DCDC1: variants seen among roughly 807,000 people sequenced by gnomAD.
DCDC1 encodes doublecortin domain containing 1.
In DCDC1, 200 loss-of-function variants were observed where a neutral mutation model predicts 178.3. The ratio of observed to expected loss-of-function variants is 1.12; its 90% CI spans 1.00 to 1.26. DCDC1 has a LOEUF of 1.26. Ranked by LOEUF, DCDC1 falls within the 50% of genes most tolerant of loss-of-function variation. The pLI is 0.00. For synonymous variants in DCDC1, 690 were observed against 604.8 expected (o/e 1.14, Z -2.07); for missense variants, 1,983 against 1,749.2 (o/e 1.13, Z -2.38).
chr11:31,312,165 C>T (rs1042777476), intron 3 of DCDC1, among the ~76,000 whole-genome samples: 1 of 152,148 alleles, frequency 6.6e-6, no homozygotes, highest in Non-Finnish European at 1.5e-5. Context: ...TATAGGGACT[C>T]TCATCCAGGC....
intron 9 of DCDC1, among the ~76,000 whole-genome samples, chr11:31,213,706 C>G (rs1973150218): frequency 6.7e-6 from 1 of 149,194 alleles, no homozygotes; most frequent in Non-Finnish European, 1.5e-5. Flanking sequence ...GGTGACAGAG[C>G]ATGACTCTGT....
chr11:30,922,700 T>C, intron 23 of DCDC1, 62 bp from the exon 24 acceptor site: 1 of 1,405,806 alleles, frequency 7.1e-7, no homozygotes, highest in South Asian at 1.6e-5. Context: ...TCTGTAATAA[T>C]CTAAACTGGA....
At position 30,903,574 on chromosome 11, in the gene DCDC1, A is replaced by G; in HGVS notation, c.4418T>C (p.Leu1473Pro). 1 of 1,609,636 alleles carries G rather than the reference A, an allele frequency of 6.2e-7. No individual in the cohort carries two copies. Among genetic ancestry groups the G allele is most frequent in the Non-Finnish European group, 8.5e-7 (1 of 1,177,818 alleles). ...GTCTCTCTGGAGAAAGGATTCATCT[A>G]GAGCCCATAAAACCAAATCACGCAA... ...FTLRDLVLWA[L>P]DESFLQRDSE... The change falls in exon 32 of 39, where the codon CTA (leucine) becomes CCA (proline). Residue 1473 changes from leucine to proline, a missense_variant. Physicochemically the swap from Leu to Pro is moderately conservative, Grantham distance 98. Coordinates refer to ENST00000684477, the MANE Select transcript of DCDC1 (RefSeq NM_001387274.1).
intron 9 of DCDC1, among the ~76,000 whole-genome samples, chr11:31,201,032 C>T (rs438578): frequency 0.3 from 45,621 of 151,598 alleles, 8,312 homozygotes; most frequent in East Asian, 0.63. Flanking sequence ...ACTTTCCACA[C>T]TTCACAGTAT....
In DCDC1 at chr11:31,137,767, A is replaced by T; in HGVS notation, c.1239T>A (p.Asn413Lys). The change falls in exon 10 of 39, where the codon AAT (asparagine) becomes AAA (lysine). Residue 413 changes from asparagine to lysine, a missense_variant. By Grantham distance (94) the Asn-to-Lys change is moderately conservative. Transcript: ENST00000684477. Reference sequence around the variant, plus strand: ...TTTCTGTAATTTTCTCCTTCTGTTCATTCATGACCAGGTTCAACTAGAAAA... The same window carrying T: ...TTTCTGTAATTTTCTCCTTCTGTTCTTTCATGACCAGGTTCAACTAGAAAA... ...KYYKQLNLVM[N>K]EQKEKITEKV... 1.4e-6 allele frequency: 1 copy of T among 702,638 alleles called. No individual in the cohort carries two copies. Among genetic ancestry groups the T allele is most frequent in the Admixed American group, 2.0e-5 (1 of 49,936 alleles). The allele number at this position is 702,638 out of a possible 1,614,324, so 43.5% of individuals were successfully genotyped here. A position where few individuals can be genotyped will look rare whatever the true frequency, so the allele number is the denominator to read the frequency against.
intron 21 of DCDC1, among the ~76,000 whole-genome samples, chr11:30,938,786 G>A (rs540723130): frequency 6.6e-6 from 1 of 152,104 alleles, no homozygotes; most frequent in African/African-American, 2.4e-5. Context: ...ATAGTTTGGG[G>A]GTTATTTCCC....
intron 1 of DCDC1, among the ~76,000 whole-genome samples, chr11:31,352,465 G>A (rs868261683): frequency 2.6e-5 from 4 of 152,156 alleles, no homozygotes; most frequent in Non-Finnish European, 5.9e-5. Context: ...TGAGCTCACA[G>A]TTTGATACTT....
chr11:31,328,945 CTTTTTTTTTTT>C (rs1176942329), intron 2 of DCDC1, among the ~76,000 whole-genome samples: 172 of 47,784 alleles, frequency 3.6e-3, no homozygotes, highest in African/African-American at 0.012. Context: ...CACCACAAGG[CTTTTTTTTTTT>C]TTTTTTTTTT....
At chr11:31,276,570 C>A (rs1455348322) in intron 7 of DCDC1, among the ~76,000 whole-genome samples, 1 of 151,936 alleles carries the variant, frequency 6.6e-6, no homozygotes, top group Non-Finnish European at 1.5e-5. Flanking sequence ...TCTGCTCAGG[C>A]CAGCATTTTA....
chr11:31,345,382 C>T lies in DCDC1; in HGVS notation c.-124-9818G>A, dbSNP rs551339123. Among the ~76,000 whole-genome samples the T allele has an allele frequency of 3.9e-5, 6 of 152,234 alleles. No individual in the cohort carries two copies. In the East Asian group the frequency reaches 9.6e-4, roughly 24 times the overall value. On this transcript the variant is annotated intron_variant, in intron 1 of 38. Coordinates refer to ENST00000684477, the MANE Select transcript of DCDC1 (RefSeq NM_001387274.1). ...GCTAGAAACGTTATGTATATGTGTACGTGTGACACCTTGTCATGCTTAAAA... is the reference window on the plus strand; with the variant it reads ...GCTAGAAACGTTATGTATATGTGTATGTGTGACACCTTGTCATGCTTAAAA...
At chr11:30,911,261 A>T (rs1419410177) in intron 28 of DCDC1, 66 bp downstream of exon 28, 2 of 1,338,330 alleles carry the variant, frequency 1.5e-6, no homozygotes, top group Non-Finnish European at 2.1e-6. Flanking sequence ...CACTACAAGG[A>T]AGCACAAAGC....
chr11:30,920,564 A>G (rs111515109), intron 25 of DCDC1, among the ~76,000 whole-genome samples: 3,678 of 152,270 alleles, frequency 0.024, 132 homozygotes, highest in African/African-American at 0.083. Context: ...CATTGTAACA[A>G]TATTACTGAA....
At position 30,920,758 on chromosome 11, in the gene DCDC1, G is replaced by A. The variant is rs1308351336; in HGVS notation, c.3293+18C>T. The A allele has an allele frequency of 6.2e-7, 1 of 1,612,166 alleles. No individual in the cohort carries two copies. On this transcript the variant is annotated intron_variant, in intron 25 of 38. Transcript: ENST00000684477. Reference sequence around the variant, plus strand: ...AAAAAGCAGCCAGGTAGCTTTTCAGGCTACACTGATTACTTACAGAATTTC... The same window carrying A: ...AAAAAGCAGCCAGGTAGCTTTTCAGACTACACTGATTACTTACAGAATTTC...
intron 37 of DCDC1, 54 bp downstream of exon 37, chr11:30,881,104 A>T (rs763241927): frequency 6.8e-5 from 109 of 1,593,728 alleles, no homozygotes; most frequent in Middle Eastern, 1.7e-4. Context: ...CCAAGAGAAG[A>T]TTGAATGCTT....
chr11:31,182,804 G>A (rs933543075), intron 9 of DCDC1, among the ~76,000 whole-genome samples: 2 of 152,050 alleles, frequency 1.3e-5, no homozygotes, highest in Non-Finnish European at 2.9e-5. Flanking sequence ...ACCCAGACTG[G>A]CAAGCTGAAT....
At chr11:30,906,423 T>C in intron 30 of DCDC1, 117 bp downstream of exon 30, 1 of 1,040,260 alleles carries the variant, frequency 9.6e-7, no homozygotes, top group South Asian at 1.8e-5. Context: ...AAGGTGCATC[T>C]GAGGAAGATG....
At chr11:31,134,400 A>C (rs1013477243) in intron 10 of DCDC1, among the ~76,000 whole-genome samples, 1 of 152,226 alleles carries the variant, frequency 6.6e-6, no homozygotes, top group Non-Finnish European at 1.5e-5. Flanking sequence ...TGAGAGTCAC[A>C]GGACTCCTCT....
chr11:30,999,451 C>A (rs565263186), intron 20 of DCDC1, among the ~76,000 whole-genome samples: 2 of 152,092 alleles, frequency 1.3e-5, no homozygotes, highest in East Asian at 3.8e-4. Context: ...AGCCTTATGT[C>A]GAATCTAATT....
At chr11:30,945,521 C>T (rs1445855091) in intron 21 of DCDC1, among the ~76,000 whole-genome samples, 1 of 151,700 alleles carries the variant, frequency 6.6e-6, no homozygotes, top group African/African-American at 2.4e-5. Flanking sequence ...TGGTGAAACC[C>T]TACCTCTACT....
Sources: gnomAD v4.1 joint callset for allele counts (sites outside exome capture counted in the v4.1 genomes callset) on GRCh38, gnomAD v4.1.1 for gene constraint, MANE v1.5 for transcripts, NCBI Gene and HGNC (gene_info 2026-07-23, HGNC 2026-07-21) for gene names.